KASH5: variants seen among roughly 807,000 people sequenced by gnomAD.
KASH5 encodes KASH domain containing 5.
In KASH5, 72 loss-of-function variants were observed where a neutral mutation model predicts 84.2. That is an observed-to-expected ratio of 0.85 (90% CI 0.71 to 1.04). KASH5 has a LOEUF of 1.04. KASH5 is among the 50% of genes least tolerant of loss of function. The pLI is 0.00. For missense variants in KASH5, 650 were observed against 701.0 expected (o/e 0.93, Z 0.82); for synonymous variants, 260 against 279.1 (o/e 0.93, Z 0.68).
rs1445269125 is a variant in KASH5, at chr19:49,414,278, C to T, written c.1329-673C>T. Among the ~76,000 whole-genome samples, 2 of 152,100 alleles carry T rather than the reference C, an allele frequency of 1.3e-5. No homozygotes were observed. The highest frequency in any genetic ancestry group is 4.8e-5 in the African/African-American group (2 of 41,410). On this transcript the variant is annotated intron_variant, in intron 16 of 19. Transcript: ENST00000447857. The surrounding 1 kb of genome is among the most constrained non-coding windows in gnomAD (Gnocchi z 4.5). ...GAATGAATGAGGGGCATGCTAACCCCTCAGGGCTCTTCCAGTCCTCCTGGA... is the reference window on the plus strand; with the variant it reads ...GAATGAATGAGGGGCATGCTAACCCTTCAGGGCTCTTCCAGTCCTCCTGGA...
At position 49,399,323 on chromosome 19, in the gene KASH5, G is replaced by T; in HGVS notation, c.748-134G>T. 2.0e-6 allele frequency: 2 copies of T among 989,486 alleles called. No homozygotes were observed. Among genetic ancestry groups the T allele is most frequent in the Non-Finnish European group, 3.0e-6 (2 of 660,254 alleles). The allele number at this position is 989,486 out of a possible 1,614,324, so 61.3% of individuals were successfully genotyped here. A position where few individuals can be genotyped will look rare whatever the true frequency, so the allele number is the denominator to read the frequency against. ...CTGCCATCCTTCTCATGACAAAGGA[G>T]ACAGCAGGAGCCATCAGGGCTTCCC... On this transcript the variant is annotated intron_variant, in intron 8 of 19. Coordinates refer to ENST00000447857, the MANE Select transcript of KASH5 (RefSeq NM_144688.5). This position sits in a 1 kb window ranked among gnomAD's most constrained non-coding sequence, Gnocchi z 4.4.
At chr19:49,392,872 A>G (rs924079428) in intron 2 of KASH5, among the ~76,000 whole-genome samples, 1 of 151,660 alleles carries the variant, frequency 6.6e-6, no homozygotes, top group African/African-American at 2.4e-5. Context: ...AGATCACGCT[A>G]CTGCACTCCA....
intron 9 of KASH5, among the ~76,000 whole-genome samples, chr19:49,403,766 C>A (rs1974439764): frequency 6.6e-6 from 1 of 152,208 alleles, no homozygotes; most frequent in Non-Finnish European, 1.5e-5. Flanking sequence ...TCCTCCCCAC[C>A]AGGAAGGCCT....
chr19:49,413,485 C>T lies in KASH5; in HGVS notation c.1328+459C>T, dbSNP rs114425874. Among the ~76,000 whole-genome samples, 679 of 152,286 alleles carry T rather than the reference C, an allele frequency of 4.5e-3. 5 individuals are homozygous for T. Among genetic ancestry groups the T allele is most frequent in the African/African-American group, 0.015 (640 of 41,548 alleles). The stretch of plus-strand genomic sequence containing the variant: ...CTCCTCCGGGGCCCTGGCCTTCGGG[C>T]CTCTGGTTTCCTGTGTTGCTTCCCT... On this transcript the variant is annotated intron_variant, in intron 16 of 19. Coordinates refer to ENST00000447857, the MANE Select transcript of KASH5 (RefSeq NM_144688.5).
In KASH5 at chr19:49,399,182, C is replaced by T. The variant is rs1203663920; in HGVS notation, c.747+40C>T. 1.3e-6 allele frequency: 2 copies of T among 1,496,700 alleles called. No homozygotes were observed. The highest frequency in any genetic ancestry group is 2.8e-5 in the African/African-American group (2 of 70,888). The allele number at this position is 1,496,700 out of a possible 1,614,324, so 92.7% of individuals were successfully genotyped here. ...GGGGAAGGAAGGTGCCCTCTCTCTT[C>T]TTTGTTTCCTGGAGTCAGGGCGGCA... On this transcript the variant is annotated intron_variant, in intron 8 of 19. Coordinates refer to ENST00000447857, the MANE Select transcript of KASH5 (RefSeq NM_144688.5). The surrounding 1 kb of genome is among the most constrained non-coding windows in gnomAD (Gnocchi z 4.4).
intron 3 of KASH5, 145 bp from the exon 4 acceptor site, chr19:49,394,961 A>G (rs1974125309): frequency 4.7e-6 from 3 of 633,658 alleles, no homozygotes; most frequent in African/African-American, 3.7e-5. Flanking sequence ...AGGAGGGGAA[A>G]GGGCTTGCCC....
chr19:49,400,353 C>CTTTTTTTTTTTTTTTTTTTTTTTTTTT (rs36066335), intron 9 of KASH5, among the ~76,000 whole-genome samples: 1 of 124,216 alleles, frequency 8.1e-6, no homozygotes, highest in African/African-American at 3.1e-5. Flanking sequence ...CTTTTAGTTT[C>CTTTTTTTTTTTTTTTTTTTTTTTTTTT]TTTTTTTTTT....
intron 9 of KASH5, among the ~76,000 whole-genome samples, chr19:49,406,307 T>G (rs1430486503): frequency 3.3e-5 from 5 of 150,272 alleles, no homozygotes. Flanking sequence ...GCTCAGTAAG[T>G]GTTAGCGATT....
chr19:49,397,056 TAAAA>T (rs78548512), intron 5 of KASH5, among the ~76,000 whole-genome samples: 1 of 135,958 alleles, frequency 7.4e-6, no homozygotes, highest in Non-Finnish European at 1.6e-5. Flanking sequence ...TCCTGTCTTT[TAAAA>T]AAAAAAAAAA....
In KASH5 at chr19:49,407,299, A is replaced by G; in HGVS notation, c.933+3A>G. 6.2e-7 allele frequency: 1 copy of G among 1,613,642 alleles called. No homozygotes were observed. ...AAAGAGACACCATCCTCTCTGAGGTAAGGGGCCCCGGGAGGGAAAGAGATT... is the reference window on the plus strand; with the variant it reads ...AAAGAGACACCATCCTCTCTGAGGTGAGGGGCCCCGGGAGGGAAAGAGATT... On this transcript the variant is annotated splice_donor_region_variant and intron_variant, in intron 11 of 19. Transcript: ENST00000447857.
chr19:49,395,387 A>G lies in KASH5; in HGVS notation c.335+95A>G. ...GAGCCAGCATCCTTTAGGCCCAAGG[A>G]CCTACTGTGTTTGGAATGAGGCTGT... On this transcript the variant is annotated intron_variant, in intron 4 of 19. Coordinates refer to ENST00000447857, the MANE Select transcript of KASH5 (RefSeq NM_144688.5). This position sits in a 1 kb window ranked among gnomAD's most constrained non-coding sequence, Gnocchi z 4.4. 6.0e-6 allele frequency: 8 copies of G among 1,332,220 alleles called. No individual in the cohort carries two copies. The Admixed American group carries it at 8.6e-5, about 14-fold the overall frequency. The allele number at this position is 1,332,220 out of a possible 1,614,324, so 82.5% of individuals were successfully genotyped here. A position where few individuals can be genotyped will look rare whatever the true frequency, so the allele number is the denominator to read the frequency against.
At chr19:49,409,608 C>A in intron 14 of KASH5, 145 bp from the exon 15 acceptor site, 1 of 1,015,692 alleles carries the variant, frequency 9.8e-7, no homozygotes, top group Non-Finnish European at 1.5e-6. Flanking sequence ...CCTGCTTCTG[C>A]CCACTCCCCA....
intron 15 of KASH5, among the ~76,000 whole-genome samples, chr19:49,410,475 A>G (rs989605086): frequency 1.4e-5 from 2 of 143,024 alleles, no homozygotes; most frequent in Non-Finnish European, 3.0e-5. Context: ...GGAACACACC[A>G]CCATGACTGG....
chr19:49,408,675 C>G (rs1481236958), intron 12 of KASH5, among the ~76,000 whole-genome samples: 2 of 152,170 alleles, frequency 1.3e-5, no homozygotes, highest in African/African-American at 4.8e-5. Flanking sequence ...GTCTCGATCT[C>G]CTGACCTTGT....
intron 2 of KASH5, among the ~76,000 whole-genome samples, chr19:49,392,149 CAGA>C (rs1384190840): frequency 2.6e-5 from 4 of 151,894 alleles, no homozygotes; most frequent in South Asian, 2.1e-4. Context: ...GGAACACACC[CAGA>C]AGGAGAGATG....
rs768680739 is a variant in KASH5, at chr19:49,417,220, A to C, written c.1501A>C (p.Arg501=). Residue 501 remains arginine, a synonymous_variant, in exon 19 of 20, where the codon AGG becomes CGG. Transcript: ENST00000447857. The surrounding 1 kb of genome is among the most constrained non-coding windows in gnomAD (Gnocchi z 5.2). ...TGTGATGAAAAAGCTGGTCCCAGTC[A>C]GGAGGAGGGCCTGGGGCCAGCTCTG... ...VPVMKKLVPV[R]RRAWGQLCLP... 18 of 1,613,720 alleles carry C rather than the reference A, an allele frequency of 1.1e-5. No individual in the cohort carries two copies. In the African/African-American group the frequency reaches 2.1e-4, roughly 19 times the overall value.
intron 9 of KASH5, among the ~76,000 whole-genome samples, chr19:49,402,511 A>C (rs1974394046): frequency 6.6e-6 from 1 of 152,166 alleles, no homozygotes; most frequent in Non-Finnish European, 1.5e-5. Flanking sequence ...GTTCGAAACC[A>C]GCCTGACCAA....
intron 2 of KASH5, among the ~76,000 whole-genome samples, chr19:49,392,710 G>A (rs527961880): frequency 6.6e-6 from 1 of 152,210 alleles, no homozygotes; most frequent in South Asian, 2.1e-4. Flanking sequence ...TCAGGAGTTC[G>A]AGACCAGCCT....
intron 10 of KASH5, 132 bp from the exon 11 acceptor site, chr19:49,407,108 T>C (rs1325035408): frequency 7.7e-7 from 1 of 1,303,072 alleles, no homozygotes; most frequent in Non-Finnish European, 1.1e-6. Flanking sequence ...ATCCCTAAAA[T>C]CCCTGAAGTC....
Sources: allele counts gnomAD v4.1 joint callset (sites outside exome capture counted in the v4.1 genomes callset), GRCh38; gene constraint gnomAD v4.1.1; non-coding constraint Gnocchi (gnomAD v3.1); transcripts MANE v1.5; gene names NCBI Gene and HGNC (gene_info 2026-07-23, HGNC 2026-07-21).